CLEC2B: variants seen among roughly 807,000 people sequenced by gnomAD.
CLEC2B encodes the protein C-type lectin domain family 2 member B, also known as C-type (calcium dependent, carbohydrate-recognition domain) lectin, superfamily member 2 (activation-induced).
In CLEC2B, 14 loss-of-function variants were observed where a neutral mutation model predicts 16.2. The ratio of observed to expected loss-of-function variants is 0.86; its 90% CI spans 0.57 to 1.35. The LOEUF (loss-of-function observed/expected upper bound fraction) is 1.35, where lower values mean the gene tolerates loss of function less well. CLEC2B is among the 40% of genes most tolerant of loss of function. The probability of loss-of-function intolerance (pLI) is 0.00; values close to 1 mark genes in which losing one functional copy is unlikely to be tolerated. For synonymous variants in CLEC2B, 42 were observed against 55.8 expected (o/e 0.75, Z 1.10); for missense variants, 166 against 182.3 (o/e 0.91, Z 0.52).
chr12:9,858,552 T>C (rs1176819437), intron 2 of CLEC2B, among the ~76,000 whole-genome samples: 1 of 151,994 alleles, frequency 6.6e-6, no homozygotes, highest in Non-Finnish European at 1.5e-5. Flanking sequence ...TTAAAGGCAT[T>C]GATCCAACTA....
intron 3 of CLEC2B, 110 bp downstream of exon 3, chr12:9,857,364 T>C: frequency 1.3e-6 from 1 of 769,920 alleles, no homozygotes; most frequent in Non-Finnish European, 2.1e-6. Context: ...TCTTCAATTT[T>C]CTGCATAGAT....
chr12:9,868,617 C>G (rs572408042), intron 1 of CLEC2B, among the ~76,000 whole-genome samples: 1 of 152,002 alleles, frequency 6.6e-6, no homozygotes, highest in South Asian at 2.1e-4. Context: ...TTATATATTC[C>G]GAACTTGCTA....
chr12:9,858,629 T>C (rs1464644858), intron 2 of CLEC2B, among the ~76,000 whole-genome samples: 1 of 151,938 alleles, frequency 6.6e-6, no homozygotes, highest in Non-Finnish European at 1.5e-5. Flanking sequence ...AATTATCACC[T>C]ATAGTCATCT....
In CLEC2B at chr12:9,855,543, G is replaced by A. The variant is rs1029409600; in HGVS notation, c.238-1059C>T. ...ACGGAAAAAAATATGAGTTTTTAAGGGAAACTTTGACACAGTATGTGCTCT... is the reference window on the plus strand; with the variant it reads ...ACGGAAAAAAATATGAGTTTTTAAGAGAAACTTTGACACAGTATGTGCTCT... On this transcript the variant is annotated intron_variant, in intron 3 of 4. Transcript: ENST00000228438. Among the ~76,000 whole-genome samples the A allele has an allele frequency of 5.9e-5, 9 of 151,990 alleles. No individual in the cohort carries two copies. In the South Asian group the frequency reaches 1.2e-3, roughly 21 times the overall value.
At chr12:9,854,523 A>G (rs758791357) in intron 3 of CLEC2B, 39 bp from the exon 4 acceptor site, 1 of 1,331,904 alleles carries the variant, frequency 7.5e-7, no homozygotes, top group South Asian at 1.2e-5. Flanking sequence ...ATACATGCCA[A>G]TTTTTATGAC....
rs530186342 is a variant in CLEC2B at position 9,867,947 on chromosome 12, G to GA, written c.-3+1257dup. Reference sequence around the variant, plus strand: ...TTATTTTTCTTGGCTAATAGCTATAGAAAAAAATCATAAAATACTGATAAG... The same window carrying GA: ...TTATTTTTCTTGGCTAATAGCTATAGAAAAAAAATCATAAAATACTGATAAG... On this transcript the variant is annotated intron_variant, in intron 1 of 4. Coordinates refer to ENST00000228438, the MANE Select transcript of CLEC2B (RefSeq NM_005127.3). Among the ~76,000 whole-genome samples, 60 of 151,552 alleles carry GA rather than the reference G, an allele frequency of 4.0e-4. No individual in the cohort carries two copies. The South Asian group carries it at 0.012, about 31-fold the overall frequency.
rs1034073197 is a variant in CLEC2B at position 9,869,255 on chromosome 12, T to G, written c.-53A>C. 2 of 152,228 alleles carry G rather than the reference T, an allele frequency of 1.3e-5. No individual in the cohort carries two copies. The highest frequency in any genetic ancestry group is 6.5e-5 in the Admixed American group (1 of 15,274). 9.4% of individuals were successfully genotyped at this position (152,228 alleles called of 1,614,324 possible). A position where few individuals can be genotyped will look rare whatever the true frequency, so the allele number is the denominator to read the frequency against. On this transcript the variant is annotated 5_prime_UTR_variant, in exon 1 of 5. The change abolishes an upstream ATG in the 5' untranslated region. Coordinates refer to ENST00000228438, the MANE Select transcript of CLEC2B (RefSeq NM_005127.3). ...ATTTTCTGCTAGCAGCTTTGTGTCA[T>G]GTCTTGCAGAAACTCTCTTCAAAGT...
At chr12:9,867,974 A>C (rs1226141460) in intron 1 of CLEC2B, among the ~76,000 whole-genome samples, 1 of 151,902 alleles carries the variant, frequency 6.6e-6, no homozygotes, top group Non-Finnish European at 1.5e-5. Flanking sequence ...ACTGATAAGC[A>C]GAGCAAATAA....
intron 1 of CLEC2B, among the ~76,000 whole-genome samples, chr12:9,865,401 C>A (rs1028315050): frequency 6.6e-6 from 1 of 152,018 alleles, no homozygotes; most frequent in Non-Finnish European, 1.5e-5. Context: ...CTTTAAAAGA[C>A]TACTTTAAAA....
intron 3 of CLEC2B, among the ~76,000 whole-genome samples, chr12:9,855,920 C>G (rs556225563): frequency 1.8e-4 from 28 of 152,002 alleles, no homozygotes; most frequent in Non-Finnish European, 3.5e-4. Context: ...AATTTCTTCT[C>G]CACTCCACAG....
At chr12:9,855,688 G>A (rs956231335) in intron 3 of CLEC2B, among the ~76,000 whole-genome samples, 3 of 151,910 alleles carry the variant, frequency 2.0e-5, no homozygotes, top group South Asian at 4.1e-4. Context: ...ACAGAGAACT[G>A]GGAGATGTGT....
At chr12:9,862,934 C>T (rs1867943316) in intron 1 of CLEC2B, among the ~76,000 whole-genome samples, 1 of 152,082 alleles carries the variant, frequency 6.6e-6, no homozygotes, top group Non-Finnish European at 1.5e-5. Context: ...TGGCAGGAAA[C>T]TTGCCCCTGC....
chr12:9,857,709 A>C, intron 2 of CLEC2B, 72 bp from the exon 3 acceptor site: 2 of 1,187,566 alleles, frequency 1.7e-6, no homozygotes, highest in Non-Finnish European at 2.4e-6. Context: ...AGATCACTGG[A>C]CACAGGTTTT....
intron 2 of CLEC2B, among the ~76,000 whole-genome samples, chr12:9,860,336 A>T (rs887808705): frequency 1.5e-4 from 23 of 151,750 alleles, no homozygotes; most frequent in African/African-American, 5.6e-4. Context: ...GTATATATTA[A>T]ATTTATATAG....
intron 2 of CLEC2B, among the ~76,000 whole-genome samples, chr12:9,857,866 G>A (rs1358878170): frequency 2.0e-5 from 3 of 151,998 alleles, no homozygotes; most frequent in Admixed American, 6.6e-5. Context: ...TCAGTGATAC[G>A]TAGGCCTTCC....
In CLEC2B at chr12:9,853,404, C is replaced by A; in HGVS notation, c.346G>T (p.Gly116Cys). ...VDGATFTKSF[G>C]MRGSEGCAYL... is the part of the protein sequence containing the mutation. ...GCACATCCTTCACTCCCTCTCATGC[C>A]AAACCTGCAACAAAGGGATTAACCA... The change falls in exon 5 of 5, where the codon GGC (glycine) becomes TGC (cysteine). Residue 116 changes from glycine to cysteine, a missense_variant. Coordinates refer to ENST00000228438, the MANE Select transcript of CLEC2B (RefSeq NM_005127.3). 9 of 1,612,276 alleles carry A rather than the reference C, an allele frequency of 5.6e-6. No homozygotes were observed. The highest frequency in any genetic ancestry group is 7.6e-6 in the Non-Finnish European group (9 of 1,178,396).
chr12:9,864,718 T>C (rs1455628378), intron 1 of CLEC2B, among the ~76,000 whole-genome samples: 27 of 152,000 alleles, frequency 1.8e-4, no homozygotes, highest in Admixed American at 1.8e-3. Flanking sequence ...AAAAAGCAAC[T>C]AATTAATATA....
intron 3 of CLEC2B, among the ~76,000 whole-genome samples, chr12:9,855,123 A>T (rs1867885547): frequency 6.6e-6 from 1 of 152,074 alleles, no homozygotes; most frequent in African/African-American, 2.4e-5. Flanking sequence ...TTAATCATAG[A>T]ATTACATGAG....
chr12:9,868,875 A>G (rs988442942), intron 1 of CLEC2B, among the ~76,000 whole-genome samples: 1 of 152,096 alleles, frequency 6.6e-6, no homozygotes, highest in African/African-American at 2.4e-5. Context: ...CATATTATGT[A>G]TGCATTCTGA....
Sources: gnomAD v4.1 joint callset for allele counts (sites outside exome capture counted in the v4.1 genomes callset) on GRCh38, gnomAD v4.1.1 for gene constraint, MANE v1.5 for transcripts, NCBI Gene and HGNC (gene_info 2026-07-23, HGNC 2026-07-21) for gene names.